ANKRD6: variants seen among roughly 807,000 people sequenced by gnomAD.
The protein encoded by ANKRD6 is ankyrin repeat domain 6.
In ANKRD6, 56 loss-of-function variants were observed where a neutral mutation model predicts 82.3. That is an observed-to-expected ratio of 0.68 (90% CI 0.55 to 0.85). The LOEUF is 0.85. ANKRD6 is among the 40% of genes least tolerant of loss of function. ANKRD6 has a pLI of 0.00. For synonymous variants in ANKRD6, 347 were observed against 352.1 expected, an observed-to-expected ratio of 0.99 and a Z score of 0.16; for missense variants, 852 against 907.6, an observed-to-expected ratio of 0.94 and a Z score of 0.79.
intron 1 of ANKRD6, among the ~76,000 whole-genome samples, chr6:89,513,969 A>G (rs371893047): frequency 4.6e-5 from 7 of 152,376 alleles, no homozygotes; most frequent in Admixed American, 3.3e-4. Context: ...TCACATTCCA[A>G]TGACTTAAGT....
intron 2 of ANKRD6, 68 bp downstream of exon 2, chr6:89,567,164 A>G: frequency 6.5e-7 from 1 of 1,535,348 alleles, no homozygotes; most frequent in Non-Finnish European, 8.8e-7. Context: ...ATTGTCTGAA[A>G]AACTGCTGTG....
chr6:89,497,503 A>C (rs1054246360), intron 1 of ANKRD6, among the ~76,000 whole-genome samples: 1 of 152,144 alleles, frequency 6.6e-6, no homozygotes, highest in South Asian at 2.1e-4. Context: ...GAAATGGTAT[A>C]TATGACTAGA....
intron 1 of ANKRD6, among the ~76,000 whole-genome samples, chr6:89,486,505 G>T (rs1027736270): frequency 3.3e-5 from 5 of 152,096 alleles, no homozygotes; most frequent in African/African-American, 4.8e-5. Context: ...AGTTCAGGCT[G>T]CTATAACAAA....
chr6:89,450,192 C>T (rs190492984), intron 1 of ANKRD6, among the ~76,000 whole-genome samples: 30 of 152,104 alleles, frequency 2.0e-4, no homozygotes, highest in African/African-American at 7.0e-4. Flanking sequence ...CAAAAATTAG[C>T]CGGGTGTGGT....
At chr6:89,579,634 G>A (rs186729666) in intron 2 of ANKRD6, among the ~76,000 whole-genome samples, 22 of 151,634 alleles carry the variant, frequency 1.5e-4, no homozygotes, top group East Asian at 5.8e-4. Flanking sequence ...GTGCACGCCT[G>A]TAATCCCAGC....
At chr6:89,509,414 C>T (rs767741471) in intron 1 of ANKRD6, among the ~76,000 whole-genome samples, 4 of 152,188 alleles carry the variant, frequency 2.6e-5, no homozygotes, top group Non-Finnish European at 5.9e-5. Context: ...TCATCTCATA[C>T]AGCCCCTTCA....
In ANKRD6 at chr6:89,627,633, G is replaced by A. The variant is rs144773433; in HGVS notation, c.1422G>A (p.Thr474=). ...LMVERLSAER[T]ECLNRLQQHS... Reference sequence around the variant, plus strand: ...TTGAGCGACTTTCTGCAGAGAGGACGGAGTGCCTGAACCGCCTGCAACAGC... The same window carrying A: ...TTGAGCGACTTTCTGCAGAGAGGACAGAGTGCCTGAACCGCCTGCAACAGC... Residue 474 remains threonine, a synonymous_variant, in exon 14 of 16, where the codon ACG becomes ACA. Coordinates refer to ENST00000339746, the MANE Select transcript of ANKRD6 (RefSeq NM_001242809.2). 31 of 1,613,824 alleles carry A rather than the reference G, an allele frequency of 1.9e-5. No homozygotes were observed. The African/African-American group carries it at 2.0e-4, about 10-fold the overall frequency.
chr6:89,559,694 C>T (rs920535602), intron 1 of ANKRD6, among the ~76,000 whole-genome samples: 1 of 152,184 alleles, frequency 6.6e-6, no homozygotes, highest in Non-Finnish European at 1.5e-5. Context: ...GGCCGTGGTG[C>T]TGTCCAATGC....
intron 1 of ANKRD6, among the ~76,000 whole-genome samples, chr6:89,512,234 T>G (rs1370802255): frequency 1.3e-5 from 2 of 152,232 alleles, no homozygotes; most frequent in Non-Finnish European, 2.9e-5. Context: ...AATTATCTTC[T>G]GCTTTGATCG....
chr6:89,444,735 A>G (rs984705665), intron 1 of ANKRD6, among the ~76,000 whole-genome samples: 1 of 152,174 alleles, frequency 6.6e-6, no homozygotes, highest in Non-Finnish European at 1.5e-5. Flanking sequence ...TGGGAGGTTG[A>G]GGTGGGCGGA....
chr6:89,480,195 A>G (rs1382116483), intron 1 of ANKRD6, among the ~76,000 whole-genome samples: 3 of 152,212 alleles, frequency 2.0e-5, no homozygotes, highest in African/African-American at 4.8e-5. Context: ...AAAGGTAACT[A>G]TCCCAGAAGA....
chr6:89,554,176 A>G (rs142278783), intron 1 of ANKRD6, among the ~76,000 whole-genome samples: 2 of 152,328 alleles, frequency 1.3e-5, no homozygotes, highest in East Asian at 3.9e-4. Context: ...GAAACAACAG[A>G]CATTTATGCT....
At chr6:89,625,845 C>T (rs1258180325) in intron 13 of ANKRD6, among the ~76,000 whole-genome samples, 1 of 151,840 alleles carries the variant, frequency 6.6e-6, no homozygotes, top group Admixed American at 6.6e-5. Flanking sequence ...GCGATTCTCC[C>T]ACCTCAGTCT....
chr6:89,477,823 A>C (rs942130419), intron 1 of ANKRD6, among the ~76,000 whole-genome samples: 1 of 152,054 alleles, frequency 6.6e-6, no homozygotes, highest in Non-Finnish European at 1.5e-5. Context: ...AGTTGAAAAA[A>C]ATTTTTTTAA....
At chr6:89,541,426 A>G (rs971222439) in intron 1 of ANKRD6, among the ~76,000 whole-genome samples, 6 of 107,556 alleles carry the variant, frequency 5.6e-5, no homozygotes, top group Non-Finnish European at 8.5e-5. Context: ...GGAGTCTCGC[A>G]CTGTCACCCA....
At chr6:89,498,175 G>A (rs895360290) in intron 1 of ANKRD6, among the ~76,000 whole-genome samples, 1 of 152,160 alleles carries the variant, frequency 6.6e-6, no homozygotes, top group African/African-American at 2.4e-5. Flanking sequence ...GCCATGGTCA[G>A]TCTTACTCCC....
chr6:89,612,518 A>G (rs16882001), intron 6 of ANKRD6, 148 bp downstream of exon 6: 40,967 of 753,384 alleles, frequency 0.054, 1,528 homozygotes, highest in South Asian at 0.13. Context: ...TTTTTTGGCA[A>G]TTTTCTAAGG....
At chr6:89,489,827 G>A (rs934182653) in intron 1 of ANKRD6, among the ~76,000 whole-genome samples, 2 of 152,190 alleles carry the variant, frequency 1.3e-5, no homozygotes, top group African/African-American at 4.8e-5. Flanking sequence ...CATGAACTGT[G>A]GAGCCCTTTA....
At chr6:89,439,303 C>T (rs778477340) in intron 1 of ANKRD6, among the ~76,000 whole-genome samples, 1 of 152,050 alleles carries the variant, frequency 6.6e-6, no homozygotes, top group African/African-American at 2.4e-5. Context: ...CTACTTTAGG[C>T]TGCTGGCAAT....
Sources: gnomAD v4.1 joint callset for allele counts (sites outside exome capture counted in the v4.1 genomes callset) on GRCh38, gnomAD v4.1.1 for gene constraint, MANE v1.5 for transcripts, NCBI Gene and HGNC (gene_info 2026-07-23, HGNC 2026-07-21) for gene names.